SHQ1: variants seen among roughly 807,000 people sequenced by gnomAD.
SHQ1 encodes the protein SHQ1, H/ACA ribonucleoprotein assembly factor.
SHQ1 carries 49 observed loss-of-function variants against 53.8 expected under a neutral mutation model. The ratio of observed to expected loss-of-function variants is 0.91; its 90% CI spans 0.72 to 1.16. The LOEUF is 1.16. Ranked by LOEUF, SHQ1 falls within the 50% of genes most tolerant of loss-of-function variation. SHQ1 has a pLI of 0.00. For missense variants in SHQ1, 738 were observed against 683.1 expected (o/e 1.08, Z -0.90); for synonymous variants, 243 against 251.0 (o/e 0.97, Z 0.30).
At chr3:72,738,390 G>A in the SHQ1 span, among the ~76,000 whole-genome samples, 2 of 152,140 alleles carry the variant, frequency 1.3e-5, no homozygotes, top group African/African-American at 2.4e-5. Flanking sequence ...GTTTTTGATC[G>A]TCTTCTCTGT....
At chr3:72,741,517 C>T in the SHQ1 span, among the ~76,000 whole-genome samples, 2 of 151,570 alleles carry the variant, frequency 1.3e-5, no homozygotes, top group Non-Finnish European at 2.9e-5. Flanking sequence ...ACCCAGGAGG[C>T]GGAGGTTGCA....
chr3:72,730,662 C>G, the SHQ1 span, among the ~76,000 whole-genome samples: 1 of 152,178 alleles, frequency 6.6e-6, no homozygotes, highest in Non-Finnish European at 1.5e-5. Context: ...CAGATACATA[C>G]AAATAATGCC....
At chr3:72,835,308 G>A (rs1200779935) in intron 4 of SHQ1, among the ~76,000 whole-genome samples, 5 of 151,960 alleles carry the variant, frequency 3.3e-5, no homozygotes, top group Non-Finnish European at 7.4e-5. Context: ...ATACAAGTAA[G>A]GAACAAGCAG....
intron 9 of SHQ1, among the ~76,000 whole-genome samples, chr3:72,802,354 A>G (rs1011945753): frequency 6.6e-6 from 1 of 152,112 alleles, no homozygotes; most frequent in Non-Finnish European, 1.5e-5. Context: ...ACCCTTCTCA[A>G]TGACTCTATC....
chr3:72,812,547 G>T (rs1390310650), intron 9 of SHQ1, 124 bp downstream of exon 9: 3 of 1,019,442 alleles, frequency 2.9e-6, no homozygotes, highest in Non-Finnish European at 4.3e-6. Flanking sequence ...TTTAAAAGTG[G>T]TTGGATTCAT....
chr3:72,779,652 G>C (rs1178444732), intron 10 of SHQ1, among the ~76,000 whole-genome samples: 2 of 152,134 alleles, frequency 1.3e-5, no homozygotes, highest in Non-Finnish European at 2.9e-5. Context: ...ATGGACTGAT[G>C]AACAGATACT....
intron 10 of SHQ1, among the ~76,000 whole-genome samples, chr3:72,765,534 T>C (rs867612164): frequency 1.1e-3 from 83 of 75,194 alleles, no homozygotes; most frequent in African/African-American, 5.1e-3. Flanking sequence ...ACATGACATA[T>C]ATATATATAT....
chr3:72,786,582 A>G (rs1706239364), intron 10 of SHQ1, among the ~76,000 whole-genome samples: 1 of 152,120 alleles, frequency 6.6e-6, no homozygotes, highest in Admixed American at 6.6e-5. Context: ...TTCAGCTCTC[A>G]GCTTAAACTC....
At chr3:72,785,572 T>C (rs1403430008) in intron 10 of SHQ1, among the ~76,000 whole-genome samples, 1 of 152,234 alleles carries the variant, frequency 6.6e-6, no homozygotes, top group Admixed American at 6.5e-5. Context: ...CCTGAAATGT[T>C]AACAGTAGAC....
chr3:72,734,889 C>T, the SHQ1 span, among the ~76,000 whole-genome samples: 1 of 151,648 alleles, frequency 6.6e-6, no homozygotes, highest in African/African-American at 2.4e-5. Flanking sequence ...GTACCTGATC[C>T]CCTCATCCTA....
chr3:72,777,406 TAGAGG>T (rs1044724431), intron 10 of SHQ1, among the ~76,000 whole-genome samples: 13 of 152,154 alleles, frequency 8.5e-5, no homozygotes, highest in Admixed American at 5.2e-4. Flanking sequence ...CATTTCATAG[TAGAGG>T]AAACACCAAT....
At chr3:72,760,348 T>C (rs934668172) in intron 10 of SHQ1, among the ~76,000 whole-genome samples, 4 of 152,226 alleles carry the variant, frequency 2.6e-5, no homozygotes, top group African/African-American at 4.8e-5. Context: ...TTTGTGAGGT[T>C]TGACTACCAT....
chr3:72,758,333 A>G (rs1237567492), intron 10 of SHQ1, among the ~76,000 whole-genome samples: 2 of 152,186 alleles, frequency 1.3e-5, no homozygotes, highest in African/African-American at 4.8e-5. Context: ...TATTTAAACC[A>G]TATCTAGTTT....
intron 10 of SHQ1, chr3:72,772,788 TG>T: frequency 1.3e-6 from 1 of 762,640 alleles, no homozygotes; most frequent in East Asian, 2.4e-5. Context: ...ATGATGATCT[TG>T]ATGGAGTGCC....
chr3:72,835,102 GCTT>G (rs1258631678), intron 4 of SHQ1, among the ~76,000 whole-genome samples: 9 of 145,924 alleles, frequency 6.2e-5, no homozygotes, highest in East Asian at 4.0e-4. Flanking sequence ...TCCTCCATCA[GCTT>G]CTTTTTTTTT....
chr3:72,780,531 G>T (rs1351956140), intron 10 of SHQ1, among the ~76,000 whole-genome samples: 1 of 152,136 alleles, frequency 6.6e-6, no homozygotes, highest in Non-Finnish European at 1.5e-5. Context: ...TATTTGGAAT[G>T]GCACAAAGGT....
At chr3:72,801,079 A>G (rs1034360570) in intron 9 of SHQ1, among the ~76,000 whole-genome samples, 18 of 152,216 alleles carry the variant, frequency 1.2e-4, no homozygotes, top group African/African-American at 3.9e-4. Context: ...TAATGGTAAC[A>G]TGACTAATTT....
chr3:72,785,518 A>G (rs1706204504), intron 10 of SHQ1, among the ~76,000 whole-genome samples: 1 of 152,218 alleles, frequency 6.6e-6, no homozygotes. Flanking sequence ...CAGACTAGAG[A>G]GATAGGATTT....
chr3:72,771,763 A>C (rs1035684441), intron 10 of SHQ1, among the ~76,000 whole-genome samples: 5 of 152,260 alleles, frequency 3.3e-5, no homozygotes, highest in African/African-American at 1.2e-4. Context: ...GGGAAGACTG[A>C]GAAGGGATAC....
Sources: gnomAD v4.1 joint callset for allele counts (sites outside exome capture counted in the v4.1 genomes callset) on GRCh38, gnomAD v4.1.1 for gene constraint, MANE v1.5 for transcripts, NCBI Gene and HGNC (gene_info 2026-07-23, HGNC 2026-07-21) for gene names.